PARD3B: variants seen among roughly 807,000 people sequenced by gnomAD.
PARD3B encodes the protein par-3 family cell polarity regulator beta.
A neutral mutation model predicts 130.2 loss-of-function variants in PARD3B; 103 were observed. The observed-to-expected ratio is 0.79, with a 90% confidence interval of 0.67 to 0.93. The LOEUF (loss-of-function observed/expected upper bound fraction) is 0.93. Among genes scored for constraint, PARD3B ranks in the 40% least tolerant of loss-of-function variants. The probability of loss-of-function intolerance (pLI) is 0.00; values close to 1 mark genes in which losing one functional copy is unlikely to be tolerated. For synonymous variants in PARD3B, 583 were observed against 553.2 expected (o/e 1.05, Z -0.76); for missense variants, 1,609 against 1,499.2 (o/e 1.07, Z -1.21).
intron 2 of PARD3B, among the ~76,000 whole-genome samples, chr2:204,844,886 C>CTAT (rs2044400859): frequency 6.6e-6 from 1 of 152,070 alleles, no homozygotes; most frequent in Admixed American, 6.6e-5. Context: ...TATGAGAAGG[C>CTAT]TATTATCTGT....
At position 205,176,251 on chromosome 2, in the gene PARD3B, G is replaced by A. The variant is rs771842106; in HGVS notation, c.1792-194G>A. ...AGCACTCCTAATCCTTAGCACCACA[G>A]TGTCAGTACTTTTTATTTTAGACTC... On this transcript the variant is annotated intron_variant, in intron 12 of 22. Transcript: ENST00000406610. This position sits in a 1 kb window ranked among gnomAD's most constrained non-coding sequence, Gnocchi z 5.3. Among the ~76,000 whole-genome samples, 2 of 152,176 alleles carry A rather than the reference G, an allele frequency of 1.3e-5. No individual in the cohort carries two copies. The highest frequency in any genetic ancestry group is 2.9e-5 in the Non-Finnish European group (2 of 68,022).
chr2:205,111,001 A>C (rs1242270014), intron 5 of PARD3B, among the ~76,000 whole-genome samples: 1 of 152,146 alleles, frequency 6.6e-6, no homozygotes, highest in Non-Finnish European at 1.5e-5. Flanking sequence ...TATTTCTAGT[A>C]CTGAGGGTTG....
At chr2:204,816,061 CTA>C (rs1405182506) in intron 2 of PARD3B, among the ~76,000 whole-genome samples, 1 of 151,830 alleles carries the variant, frequency 6.6e-6, no homozygotes, top group African/African-American at 2.4e-5. Context: ...AAGGGTTTTA[CTA>C]TGTTAGTGGT....
At chr2:204,928,128 C>T (rs1687770994) in intron 2 of PARD3B, among the ~76,000 whole-genome samples, 1 of 152,036 alleles carries the variant, frequency 6.6e-6, no homozygotes, top group Non-Finnish European at 1.5e-5. Flanking sequence ...TAGGCCGTGT[C>T]CTCTCATGTG....
chr2:205,028,122 A>C (rs1309506226), intron 3 of PARD3B, among the ~76,000 whole-genome samples: 2 of 152,076 alleles, frequency 1.3e-5, no homozygotes, highest in African/African-American at 4.8e-5. Flanking sequence ...ATTGGAATTT[A>C]TATAGGAATT....
At chr2:204,838,052 T>A (rs910364552) in intron 2 of PARD3B, among the ~76,000 whole-genome samples, 3 of 138,710 alleles carry the variant, frequency 2.2e-5, no homozygotes, top group African/African-American at 7.5e-5. Context: ...CATACACAGG[T>A]AAAATAAGTG....
chr2:205,174,208 C>T (rs1368648264), intron 12 of PARD3B, among the ~76,000 whole-genome samples: 1 of 152,052 alleles, frequency 6.6e-6, no homozygotes, highest in African/African-American at 2.4e-5. Context: ...GGCGTTATTC[C>T]ATCAGAAGAA....
intron 20 of PARD3B, among the ~76,000 whole-genome samples, chr2:205,496,573 T>C (rs2049933899): frequency 6.6e-6 from 1 of 152,166 alleles, no homozygotes; most frequent in Non-Finnish European, 1.5e-5. Context: ...CCAGATTTCT[T>C]TTCTGGGTAA....
At chr2:204,636,652 G>C (rs952501572) in intron 1 of PARD3B, among the ~76,000 whole-genome samples, 1 of 152,086 alleles carries the variant, frequency 6.6e-6, no homozygotes, top group Non-Finnish European at 1.5e-5. Flanking sequence ...TTACCCTCCT[G>C]CCATCTTGTG....
rs530541638 is a variant in PARD3B at position 205,576,895 on chromosome 2, T to G, written c.3260+23492T>G. The stretch of plus-strand genomic sequence containing the variant: ...TAGATCAAGTTGGGAAGAACTGACA[T>G]CTTGAGAGTATTGAGTCTTCCATCC... On this transcript the variant is annotated intron_variant, in intron 22 of 22. Transcript: ENST00000406610. Among the ~76,000 whole-genome samples, 9 of 152,340 alleles carry G rather than the reference T, an allele frequency of 5.9e-5. No individual in the cohort carries two copies. The East Asian group carries it at 1.5e-3, about 26-fold the overall frequency.
intron 18 of PARD3B, among the ~76,000 whole-genome samples, chr2:205,350,270 G>A (rs1230354139): frequency 6.6e-6 from 1 of 152,140 alleles, no homozygotes; most frequent in African/African-American, 2.4e-5. Flanking sequence ...TGGATTCAAG[G>A]TACTCAATCT....
rs140135116 is a variant in PARD3B, at chr2:204,706,016, A to T, written c.222+19734A>T. Among the ~76,000 whole-genome samples, 924 of 152,280 alleles carry T rather than the reference A, an allele frequency of 6.1e-3. 12 individuals are homozygous for T. The highest frequency in any genetic ancestry group is 0.022 in the African/African-American group (899 of 41,556). ...ATGGATGAGTGAATGAAGACAGAAG[A>T]CAGGCTTTAAACTTTTTTAAAGTAT... On this transcript the variant is annotated intron_variant, in intron 2 of 22. Transcript: ENST00000406610.
chr2:205,253,062 A>C lies in PARD3B; in HGVS notation c.2185+7240A>C, dbSNP rs1293261974. ...ATTGTACTTGTCAGCTATTGCTGCA[A>C]CTATGCTGCATAATAAAACCAACAG... On this transcript the variant is annotated intron_variant, in intron 16 of 22. Coordinates refer to ENST00000406610, the MANE Select transcript of PARD3B (RefSeq NM_001302769.2). This position sits in a 1 kb window ranked among gnomAD's most constrained non-coding sequence, Gnocchi z 4.4. Among the ~76,000 whole-genome samples, 2 of 152,130 alleles carry C rather than the reference A, an allele frequency of 1.3e-5. No individual in the cohort carries two copies. The highest frequency in any genetic ancestry group is 4.8e-5 in the African/African-American group (2 of 41,416).
At chr2:205,139,380 T>TA (rs1305780945) in intron 10 of PARD3B, among the ~76,000 whole-genome samples, 3 of 151,916 alleles carry the variant, frequency 2.0e-5, no homozygotes, top group African/African-American at 7.2e-5. Context: ...CCACCTTTAA[T>TA]AAAAAAAACC....
At chr2:204,915,848 C>T (rs1020423450) in intron 2 of PARD3B, among the ~76,000 whole-genome samples, 4 of 152,100 alleles carry the variant, frequency 2.6e-5, no homozygotes, top group African/African-American at 4.8e-5. Flanking sequence ...AAGTGTCTTT[C>T]GTAATTGCTT....
Position 205,385,785 on chromosome 2 carries a change from A to T in PARD3B, c.2631-15228A>T, listed in dbSNP as rs534808859. Among the ~76,000 whole-genome samples, 5 of 152,288 alleles carry T rather than the reference A, an allele frequency of 3.3e-5. No homozygotes were observed. The South Asian group carries it at 1.0e-3, about 32-fold the overall frequency. On this transcript the variant is annotated intron_variant, in intron 18 of 22. Transcript: ENST00000406610. ...AATGAGATATACTTAAGGTAGCTAC[A>T]TTAATTAAAATGCATATATACGTAC...
chr2:204,894,172 G>A (rs548006352), intron 2 of PARD3B, among the ~76,000 whole-genome samples: 30 of 152,102 alleles, frequency 2.0e-4, no homozygotes, highest in African/African-American at 7.0e-4. Flanking sequence ...GGCATTAAGG[G>A]TTTTTTTGAT....
intron 1 of PARD3B, among the ~76,000 whole-genome samples, chr2:204,614,379 A>C (rs893559579): frequency 6.6e-6 from 1 of 152,152 alleles, no homozygotes; most frequent in Admixed American, 6.6e-5. Flanking sequence ...AATTCAGACT[A>C]ATCATATTTC....
chr2:204,758,111 G>A (rs1328482393), intron 2 of PARD3B, among the ~76,000 whole-genome samples: 2 of 152,124 alleles, frequency 1.3e-5, no homozygotes, highest in Non-Finnish European at 2.9e-5. Context: ...AGGCCTCTTG[G>A]TTTTCCTCCA....
Sources: allele counts gnomAD v4.1 joint callset (sites outside exome capture counted in the v4.1 genomes callset), GRCh38; gene constraint gnomAD v4.1.1; non-coding constraint Gnocchi (gnomAD v3.1); transcripts MANE v1.5; gene names NCBI Gene and HGNC (gene_info 2026-07-23, HGNC 2026-07-21).